The following GNG7 variants were observed in gnomAD, a reference collection of about 807,000 sequenced individuals.
GNG7 encodes the protein G protein subunit gamma 7, also known as guanine nucleotide-binding protein G(I)/G(S)/G(O) subunit gamma-7.
Under a neutral mutation model 4.0 loss-of-function variants are expected in GNG7, and 1 was observed. The ratio of observed to expected loss-of-function variants is 0.25; its 90% confidence interval spans 0.09 to 1.18. GNG7 has a LOEUF of 1.18. Ranked by LOEUF, GNG7 falls within the 50% of genes most tolerant of loss-of-function variation. GNG7 has a pLI of 0.50. For synonymous variants in GNG7, 34 were observed against 36.9 expected, an observed-to-expected ratio of 0.92 and a Z score of 0.29; for missense variants, 86 against 91.9, an observed-to-expected ratio of 0.94 and a Z score of 0.26.
chr19:2,579,847 C>T (rs770172694), intron 2 of GNG7, among the ~76,000 whole-genome samples: 4 of 152,166 alleles, frequency 2.6e-5, no homozygotes, highest in Non-Finnish European at 5.9e-5. Flanking sequence ...GGTCTTAAAA[C>T]CACAGACATG....
At chr19:2,520,497 A>G (rs1044881961) in intron 4 of GNG7, 111 bp downstream of exon 4, 17 of 642,608 alleles carry the variant, frequency 2.6e-5, no homozygotes, top group Non-Finnish European at 4.0e-5. Context: ...TCACACAGCA[A>G]GAGACACAGT....
intron 2 of GNG7, among the ~76,000 whole-genome samples, chr19:2,624,614 G>A (rs1315412209): frequency 6.6e-6 from 1 of 152,122 alleles, no homozygotes; most frequent in East Asian, 1.9e-4. Context: ...CTCCACCTCT[G>A]TCTGGTTGCC....
At position 2,602,970 on chromosome 19, in the gene GNG7, CTT is replaced by C. The variant is rs1185789580; in HGVS notation, c.-78+43252_-78+43253del. Among the ~76,000 whole-genome samples, 90 of 142,590 alleles carry C rather than the reference CTT, an allele frequency of 6.3e-4. 2 individuals carry two copies. Among genetic ancestry groups the C allele is most frequent in the African/African-American group, 2.2e-3 (85 of 38,016 alleles). The allele number at this position is 142,590 out of a possible 152,430, so 93.5% of individuals were successfully genotyped here. On this transcript the variant is annotated intron_variant, in intron 2 of 4. Coordinates refer to ENST00000382159, the MANE Select transcript of GNG7 (RefSeq NM_052847.3). Reference sequence around the variant, plus strand: ...TTCTTTCTTTTCTTTCTCTTTCTTTCTTTCTCTCTCTCTTTCCTTCCTTCCTT... The same window carrying C: ...TTCTTTCTTTTCTTTCTCTTTCTTTCTCTCTCTCTCTTTCCTTCCTTCCTT...
chr19:2,692,093 T>G (rs1913147928), intron 1 of GNG7, among the ~76,000 whole-genome samples: 1 of 152,092 alleles, frequency 6.6e-6, no homozygotes, highest in Non-Finnish European at 1.5e-5. Context: ...CATGAGACAA[T>G]ACATTTCTGT....
intron 2 of GNG7, among the ~76,000 whole-genome samples, chr19:2,558,034 G>C (rs1408972529): frequency 6.6e-6 from 1 of 151,866 alleles, no homozygotes; most frequent in Non-Finnish European, 1.5e-5. Context: ...GTAGAGAGGG[G>C]GTTTCACCGT....
At chr19:2,525,536 G>T (rs1008390006) in intron 3 of GNG7, among the ~76,000 whole-genome samples, 1 of 152,050 alleles carries the variant, frequency 6.6e-6, no homozygotes, top group African/African-American at 2.4e-5. Context: ...CTCAGGGAAG[G>T]GTGACCAGCC....
At chr19:2,689,705 C>G (rs2052642425) in intron 1 of GNG7, among the ~76,000 whole-genome samples, 1 of 149,684 alleles carries the variant, frequency 6.7e-6, no homozygotes, top group Non-Finnish European at 1.5e-5. Context: ...AACACAGAGG[C>G]TGAAATGACA....
rs35639922 is a variant in GNG7 at position 2,525,971 on chromosome 19, A to ATTTTTTTTTTTTTTTTTTTTTTTTTTTT, written c.-37-5247_-37-5246insAAAAAAAAAAAAAAAAAAAAAAAAAAAA. Among the ~76,000 whole-genome samples the ATTTTTTTTTTTTTTTTTTTTTTTTTTTT allele has an allele frequency of 2.2e-4, 17 of 75,674 alleles. 3 individuals are homozygous for ATTTTTTTTTTTTTTTTTTTTTTTTTTTT. The highest frequency in any genetic ancestry group is 4.2e-4 in the East Asian group (1 of 2,374). The allele number at this position is 75,674 out of a possible 152,430, so 49.6% of individuals were successfully genotyped here. A position where few individuals can be genotyped will look rare whatever the true frequency, so the allele number is the denominator to read the frequency against. On this transcript the variant is annotated intron_variant, in intron 3 of 4. Transcript: ENST00000382159. ...ATTACAGGTGCCTGCCTCCACGCCA[A>ATTTTTTTTTTTTTTTTTTTTTTTTTTTT]TTTTTTTTTTTTTTTTTGAGACAGA...
At chr19:2,544,965 A>C (rs550901577) in intron 3 of GNG7, among the ~76,000 whole-genome samples, 1 of 152,168 alleles carries the variant, frequency 6.6e-6, no homozygotes, top group Admixed American at 6.5e-5. Flanking sequence ...TAAGCTCCCA[A>C]CGGGATGGAT....
At chr19:2,642,784 G>A in intron 2 of GNG7, 1 of 456,750 alleles carries the variant, frequency 2.2e-6, no homozygotes, top group Non-Finnish European at 4.4e-6. Flanking sequence ...GTGAGCCATG[G>A]CGCCCGGCCA....
Position 2,617,460 on chromosome 19 carries a change from C to T in GNG7, c.-78+28764G>A, listed in dbSNP as rs1046658934. On this transcript the variant is annotated intron_variant, in intron 2 of 4. Transcript: ENST00000382159. This position sits in a 1 kb window ranked among gnomAD's most constrained non-coding sequence, Gnocchi z 4.7. ...GTCACCTCAGACCAAGGACATTCTG[C>T]CATGATGCTTCAGACTGTTCTTCTC... 1.3e-5 allele frequency among the ~76,000 whole-genome samples: 2 copies of T among 152,160 alleles called. No homozygotes were observed. Among genetic ancestry groups the T allele is most frequent in the Admixed American group, 6.5e-5 (1 of 15,270 alleles).
intron 2 of GNG7, among the ~76,000 whole-genome samples, chr19:2,573,659 A>C (rs115214166): frequency 0.085 from 12,902 of 151,862 alleles, 791 homozygotes; most frequent in African/African-American, 0.17. Context: ...TGTCTTGTTC[A>C]CGGCGAAACC....
intron 2 of GNG7, among the ~76,000 whole-genome samples, chr19:2,571,752 C>T (rs557252457): frequency 2.0e-5 from 3 of 151,662 alleles, no homozygotes; most frequent in East Asian, 3.9e-4. Flanking sequence ...AGTGCCACCA[C>T]GCCTGGCTAA....
At chr19:2,667,090 C>T (rs571689090) in intron 1 of GNG7, among the ~76,000 whole-genome samples, 12 of 152,222 alleles carry the variant, frequency 7.9e-5, no homozygotes, top group Admixed American at 2.0e-4. Flanking sequence ...GAGGCTGAGG[C>T]GGGTGGATCA....
intron 3 of GNG7, among the ~76,000 whole-genome samples, chr19:2,523,738 C>T (rs974443483): frequency 6.6e-6 from 1 of 152,272 alleles, no homozygotes; most frequent in East Asian, 1.9e-4. Flanking sequence ...ATGTTACCAC[C>T]AGGGACGGCC....
chr19:2,534,142 T>C (rs541322545), intron 3 of GNG7, among the ~76,000 whole-genome samples: 1 of 152,198 alleles, frequency 6.6e-6, no homozygotes, highest in African/African-American at 2.4e-5. Flanking sequence ...AAAATATATA[T>C]ACATCCTCAT....
At chr19:2,625,404 AG>A (rs759703676) in intron 2 of GNG7, among the ~76,000 whole-genome samples, 3 of 151,980 alleles carry the variant, frequency 2.0e-5, no homozygotes, top group Admixed American at 2.0e-4. Context: ...GCAGAAATAG[AG>A]GGGGGTCTCT....
At chr19:2,532,335 TG>T (rs1978622519) in intron 3 of GNG7, among the ~76,000 whole-genome samples, 1 of 152,060 alleles carries the variant, frequency 6.6e-6, no homozygotes, top group African/African-American at 2.4e-5. Flanking sequence ...CCAGTGGATA[TG>T]GAGAAAATGA....
At position 2,520,736 on chromosome 19, in the gene GNG7, A is replaced by G. The variant is rs1351873159; in HGVS notation, c.-37-11T>C. The G allele has an allele frequency of 1.1e-5, 13 of 1,155,662 alleles. No homozygotes were observed. Among genetic ancestry groups the G allele is most frequent in the Non-Finnish European group, 1.0e-5 (8 of 787,848 alleles). 71.6% of individuals were successfully genotyped at this position (1,155,662 alleles called of 1,614,324 possible). A position where few individuals can be genotyped will look rare whatever the true frequency, so the allele number is the denominator to read the frequency against. On this transcript the variant is annotated splice_polypyrimidine_tract_variant and intron_variant, in intron 3 of 4. Coordinates refer to ENST00000382159, the MANE Select transcript of GNG7 (RefSeq NM_052847.3). ...CCGTTGTTCAGAGAGCTGTGGGGGA[A>G]GCAGAGGGGTGTGGGTCAAAGTTCA...
Sources: allele counts gnomAD v4.1 joint callset (sites outside exome capture counted in the v4.1 genomes callset), GRCh38; gene constraint gnomAD v4.1.1; non-coding constraint Gnocchi (gnomAD v3.1); transcripts MANE v1.5; gene names NCBI Gene and HGNC (gene_info 2026-07-23, HGNC 2026-07-21).